Variants in DST observed in about 807,000 individuals in gnomAD.
DST encodes dystonin.
DST carries 253 observed loss-of-function variants against 875.2 expected under a neutral mutation model. That is an observed-to-expected ratio of 0.29 (90% CI 0.26 to 0.32). The LOEUF is 0.32. DST is among the 10% of genes least tolerant of loss of function. DST has a pLI of 1.00. For missense variants in DST, 8,287 were observed against 9,111.6 expected, an observed-to-expected ratio of 0.91 and a Z score of 3.68; for synonymous variants, 3,124 against 3,197.1, an observed-to-expected ratio of 0.98 and a Z score of 0.77.
chr6:56,547,046 A>C (rs973949643), intron 61 of DST, among the ~76,000 whole-genome samples: 2 of 152,244 alleles, frequency 1.3e-5, no homozygotes, highest in Non-Finnish European at 2.9e-5. Flanking sequence ...AAGGAATAAA[A>C]GTTAAGAGGA....
intron 5 of DST, among the ~76,000 whole-genome samples, chr6:56,725,365 T>C (rs1459598177): frequency 6.6e-6 from 1 of 152,184 alleles, no homozygotes; most frequent in Non-Finnish European, 1.5e-5. Context: ...CCACTGGAGA[T>C]TTATTTCCCA....
chr6:56,701,732 G>A (rs1369193782), intron 8 of DST, among the ~76,000 whole-genome samples, 156 bp downstream of exon 8: 1 of 152,134 alleles, frequency 6.6e-6, no homozygotes, highest in Non-Finnish European at 1.5e-5. Context: ...GGGAGCAAAT[G>A]TTTAAAAACA....
intron 2 of DST, among the ~76,000 whole-genome samples, chr6:56,916,164 T>A (rs1267884060): frequency 6.6e-6 from 1 of 152,130 alleles, no homozygotes; most frequent in East Asian, 1.9e-4. Context: ...AGCACAGCCA[T>A]GAGAGGATCC....
intron 2 of DST, among the ~76,000 whole-genome samples, chr6:56,917,346 G>T (rs1437144294): frequency 1.3e-5 from 2 of 152,196 alleles, no homozygotes; most frequent in East Asian, 3.8e-4. Flanking sequence ...AAGCCAACAG[G>T]AGCAGGTTTT....
chr6:56,778,303 T>C (rs774548113), intron 4 of DST, among the ~76,000 whole-genome samples: 2 of 151,278 alleles, frequency 1.3e-5, no homozygotes, highest in Non-Finnish European at 2.9e-5. Flanking sequence ...TGCAAGAGGA[T>C]TACAGGTCTG....
At chr6:56,526,694 A>G in intron 68 of DST, 127 bp from the exon 69 acceptor site, 1 of 762,424 alleles carries the variant, frequency 1.3e-6, no homozygotes, top group Admixed American at 3.1e-5. Flanking sequence ...CCCCTCCCTT[A>G]GTTTCAGTCG....
intron 53 of DST, among the ~76,000 whole-genome samples, 200 bp downstream of exon 53, chr6:56,571,900 T>C (rs952303825): frequency 6.6e-6 from 1 of 152,196 alleles, no homozygotes; most frequent in African/African-American, 2.4e-5. Context: ...AGTATTGAAT[T>C]TTCCTTCTAA....
At chr6:56,949,003 T>C (rs924490361) in intron 2 of DST, among the ~76,000 whole-genome samples, 2 of 152,188 alleles carry the variant, frequency 1.3e-5, no homozygotes, top group Non-Finnish European at 2.9e-5. Flanking sequence ...GTGACACAGT[T>C]AGTTTGTGGC....
At chr6:56,661,432 C>T (rs2099040696) in intron 10 of DST, among the ~76,000 whole-genome samples, 2 of 152,068 alleles carry the variant, frequency 1.3e-5, no homozygotes. Context: ...GAGTTTTGAT[C>T]AAAACCCATC....
intron 80 of DST, 101 bp downstream of exon 80, chr6:56,500,979 C>T: frequency 8.6e-7 from 1 of 1,156,466 alleles, no homozygotes. Flanking sequence ...GTGTCAAAAT[C>T]ATAAACTTGA....
intron 2 of DST, among the ~76,000 whole-genome samples, chr6:56,907,796 G>C (rs1037035726): frequency 1.3e-5 from 2 of 152,128 alleles, no homozygotes; most frequent in African/African-American, 2.4e-5. Context: ...TGTTTTATAA[G>C]GTCAAACTAC....
chr6:56,460,212 A>C lies in DST; in HGVS notation c.23113T>G (p.Leu7705Val). The stretch of plus-strand genomic sequence containing the variant: ...CCAGAGTGGAAGCCTTTCCCTGATA[A>C]ATATCCTGGAAGTCGAAGCTTGCTT... The part of the protein sequence containing the change: ...QGSKLRLPGY[L>V]SGKGFHSGED... The change falls in exon 103 of 104, where the codon TTA becomes GTA. Residue 7705 changes from leucine (L) to valine (V), a missense_variant. Coordinates refer to ENST00000680361, the MANE Select transcript of DST (RefSeq NM_001374736.1). 1 of 1,613,936 alleles carries C rather than the reference A, an allele frequency of 6.2e-7. No homozygotes were observed. The highest frequency in any genetic ancestry group is 8.5e-7 in the Non-Finnish European group (1 of 1,179,842).
At chr6:56,641,336 C>G (rs1373666772) in intron 17 of DST, among the ~76,000 whole-genome samples, 1 of 152,160 alleles carries the variant, frequency 6.6e-6, no homozygotes, top group Non-Finnish European at 1.5e-5. Flanking sequence ...CCTATAATCA[C>G]AGCATTTTGG....
chr6:56,798,484 T>C (rs147287158), intron 4 of DST, among the ~76,000 whole-genome samples: 4 of 152,182 alleles, frequency 2.6e-5, no homozygotes, highest in African/African-American at 7.2e-5. Flanking sequence ...ACTATTGAGA[T>C]TGCTCAGAAA....
chr6:56,469,484 CT>C (rs1285664407), intron 97 of DST, among the ~76,000 whole-genome samples: 1 of 152,032 alleles, frequency 6.6e-6, no homozygotes, highest in African/African-American at 2.4e-5. Flanking sequence ...ATTATCCTCT[CT>C]TTTCATATTT....
In DST at chr6:56,814,797, C is replaced by T. The variant is rs144062881; in HGVS notation, c.625+36600G>A. On this transcript the variant is annotated intron_variant, in intron 4 of 103. Transcript: ENST00000680361. The stretch of plus-strand genomic sequence containing the variant: ...TAATGATATATTTAAAGTTTAATTG[C>T]TGAATCAAAATATTATTGAACAAAA... Among the ~76,000 whole-genome samples the T allele has an allele frequency of 9.2e-4, 140 of 152,234 alleles. 1 individual carries two copies. In the Middle Eastern group the frequency reaches 0.031, roughly 33 times the overall value.
At chr6:56,880,166 TTC>T in intron 3 of DST, among the ~76,000 whole-genome samples, 1 of 152,360 alleles carries the variant, frequency 6.6e-6, no homozygotes, top group African/African-American at 2.4e-5. Context: ...CCTTACAATT[TTC>T]TCTTAGCTAA....
intron 5 of DST, among the ~76,000 whole-genome samples, chr6:56,729,903 T>G (rs1226864537): frequency 6.6e-6 from 1 of 152,180 alleles, no homozygotes; most frequent in Non-Finnish European, 1.5e-5. Context: ...GATGGAACAG[T>G]GATAAAATCT....
In DST at chr6:56,843,712, T is replaced by A. The variant is rs185968827; in HGVS notation, c.625+7685A>T. 123,240 of 419,938 alleles carry A rather than the reference T, an allele frequency of 0.29. 9,131 individuals carry two copies. The highest frequency in any genetic ancestry group is 0.31 in the Non-Finnish European group (112,246 of 362,068). 26.0% of individuals were successfully genotyped at this position (419,938 alleles called of 1,614,324 possible). On this transcript the variant is annotated intron_variant, in intron 4 of 103. Transcript: ENST00000680361. ...CCGGGGAGAGAGGGAGGGAGGAGGG[T>A]GGAGGGTGGAGGGTGGAGAGTGGAG... is the stretch of plus-strand genomic sequence containing the variant.
Sources: allele counts gnomAD v4.1 joint callset (sites outside exome capture counted in the v4.1 genomes callset), GRCh38; gene constraint gnomAD v4.1.1; transcripts MANE v1.5; gene names NCBI Gene and HGNC (gene_info 2026-07-23, HGNC 2026-07-21).